Variants in CNTN6 observed in about 807,000 individuals in gnomAD.
The protein encoded by CNTN6 is contactin 6.
In CNTN6, 137 loss-of-function variants were observed where a neutral mutation model predicts 122.8. The observed-to-expected ratio is 1.12, with a 90% CI of 0.97 to 1.29. The LOEUF is 1.29. Among genes scored for constraint, CNTN6 ranks in the 50% most tolerant of loss-of-function variants. The pLI is 0.00. For synonymous variants in CNTN6, 570 were observed against 426.0 expected (o/e 1.34, Z -4.16); for missense variants, 1,634 against 1,223.4 (o/e 1.34, Z -5.01).
At chr3:1,160,344 G>GTATGTATATATATATA (rs1158623079) in intron 2 of CNTN6, among the ~76,000 whole-genome samples, 1 of 111,130 alleles carries the variant, frequency 9.0e-6, no homozygotes, top group Non-Finnish European at 1.8e-5. Flanking sequence ...TACTTTTACT[G>GTATGTATATATATATA]TATATATATA....
At chr3:1,190,236 A>T (rs2093682410) in intron 2 of CNTN6, among the ~76,000 whole-genome samples, 1 of 152,142 alleles carries the variant, frequency 6.6e-6, no homozygotes, top group Non-Finnish European at 1.5e-5. Context: ...TATCCCATTC[A>T]TGAGGAATTC....
intron 2 of CNTN6, among the ~76,000 whole-genome samples, chr3:1,191,974 A>G (rs184751617): frequency 2.0e-4 from 30 of 152,304 alleles, no homozygotes; most frequent in African/African-American, 6.7e-4. Context: ...GATCACAATA[A>G]TAGGTAAGCA....
chr3:1,315,120 T>G (rs1369847063), intron 7 of CNTN6, among the ~76,000 whole-genome samples: 2 of 152,030 alleles, frequency 1.3e-5, no homozygotes, highest in Non-Finnish European at 2.9e-5. Flanking sequence ...CTCTGTAACA[T>G]CAGTTTCAAG....
At chr3:1,278,254 A>G (rs908745557) in intron 4 of CNTN6, among the ~76,000 whole-genome samples, 159 bp from the exon 5 acceptor site, 7 of 152,220 alleles carry the variant, frequency 4.6e-5, no homozygotes, top group African/African-American at 1.7e-4. Context: ...TTTGCAAGAT[A>G]ATAATAAGTG....
chr3:1,314,583 G>A (rs1699835746), intron 7 of CNTN6, among the ~76,000 whole-genome samples: 1 of 152,042 alleles, frequency 6.6e-6, no homozygotes, highest in South Asian at 2.1e-4. Context: ...ACTAGTGTAT[G>A]TAGAGCTTTA....
At chr3:1,329,719 T>A (rs763583005) in intron 10 of CNTN6, 66 bp from the exon 11 acceptor site, 2 of 1,345,816 alleles carry the variant, frequency 1.5e-6, no homozygotes, top group Non-Finnish European at 2.0e-6. Flanking sequence ...GCATAGCAAG[T>A]CACCCCTGGA....
Position 1,147,971 on chromosome 3 carries a change from G to C in CNTN6, c.-38G>C. The C allele has an allele frequency of 6.5e-7, 1 of 1,534,642 alleles. No homozygotes were observed. On this transcript the variant is annotated 5_prime_UTR_variant, in exon 2 of 23. Coordinates refer to ENST00000446702, the MANE Select transcript of CNTN6 (RefSeq NM_001289080.2). ...GAAGATAGACTGTTTTGTTCCACCT[G>C]ATTGTATGGGAGAAATTTTTGACCT...
At position 1,318,210 on chromosome 3, in the gene CNTN6, C is replaced by G. The variant is rs73816302; in HGVS notation, c.762-3440C>G. 8.2e-3 allele frequency among the ~76,000 whole-genome samples: 1,243 copies of G among 151,808 alleles called. 7 individuals are homozygous for G. Among genetic ancestry groups the G allele is most frequent in the African/African-American group, 0.027 (1,134 of 41,472 alleles). On this transcript the variant is annotated intron_variant, in intron 7 of 22. Transcript: ENST00000446702. ...TCTCTTTTAAGTCTCATGTCTCTTGCGTTTCTTGCCTTTTGCTATCATTCT... is the reference window on the plus strand; with the variant it reads ...TCTCTTTTAAGTCTCATGTCTCTTGGGTTTCTTGCCTTTTGCTATCATTCT...
At chr3:1,384,444 G>C (rs539948916) in intron 19 of CNTN6, among the ~76,000 whole-genome samples, 37 of 152,028 alleles carry the variant, frequency 2.4e-4, no homozygotes, top group African/African-American at 8.0e-4. Context: ...AAAATACCTA[G>C]ATTGTCTTGA....
intron 7 of CNTN6, among the ~76,000 whole-genome samples, chr3:1,305,539 T>C (rs1023169054): frequency 3.9e-5 from 6 of 152,148 alleles, no homozygotes; most frequent in African/African-American, 1.4e-4. Flanking sequence ...GCAAATGTAG[T>C]ATGATTGACT....
In CNTN6 at chr3:1,295,584, T is replaced by C. The variant is rs372631585; in HGVS notation, c.455-17T>C. ...AGTATGGTTTTGTTTTGTTTTGTTTTGTTTCTTGTTTTTCAGATTTATCTT... is the reference window on the plus strand; with the variant it reads ...AGTATGGTTTTGTTTTGTTTTGTTTCGTTTCTTGTTTTTCAGATTTATCTT... On this transcript the variant is annotated splice_polypyrimidine_tract_variant and intron_variant, in intron 5 of 22. Transcript: ENST00000446702. 1.8e-4 allele frequency: 291 copies of C among 1,605,640 alleles called. 2 individuals carry two copies. The South Asian group carries it at 2.0e-3, about 11-fold the overall frequency.
chr3:1,278,913 T>C (rs1487796972), intron 5 of CNTN6, among the ~76,000 whole-genome samples: 1 of 152,226 alleles, frequency 6.6e-6, no homozygotes, highest in Non-Finnish European at 1.5e-5. Context: ...TGTTCAGTTT[T>C]GTTGTAAATG....
rs1243736501 is a variant in CNTN6, at chr3:1,133,600, GC to G, written c.-82-14322del. ...GTATAGCATGGACTCAGCTGTGACT[GC>G]CCCCTCTTGAGGCGCTCATGGAGCC... On this transcript the variant is annotated intron_variant, in intron 1 of 22. Coordinates refer to ENST00000446702, the MANE Select transcript of CNTN6 (RefSeq NM_001289080.2). Among the ~76,000 whole-genome samples, 3 of 152,132 alleles carry G rather than the reference GC, an allele frequency of 2.0e-5. No individual in the cohort carries two copies. In the East Asian group the frequency reaches 5.8e-4, roughly 29 times the overall value.
intron 4 of CNTN6, among the ~76,000 whole-genome samples, chr3:1,257,338 A>G (rs2094776002): frequency 1.3e-5 from 2 of 152,170 alleles, no homozygotes; most frequent in Non-Finnish European, 2.9e-5. Flanking sequence ...CAGAAATTTT[A>G]GCAAAGAAAT....
intron 1 of CNTN6, among the ~76,000 whole-genome samples, chr3:1,106,809 CA>C (rs1031390792): frequency 1.3e-5 from 2 of 151,982 alleles, no homozygotes; most frequent in African/African-American, 4.8e-5. Context: ...AAAACATAAC[CA>C]AAATTATCAC....
In CNTN6 at chr3:1,403,440, G is replaced by C; in HGVS notation, c.*22G>C. Reference sequence around the variant, plus strand: ...CTGATGAATAAAACCATAAATCTTTGAGAGTTTTTTGAAAGCAAATCATTC... The same window carrying C: ...CTGATGAATAAAACCATAAATCTTTCAGAGTTTTTTGAAAGCAAATCATTC... On this transcript the variant is annotated 3_prime_UTR_variant, in exon 23 of 23. Transcript: ENST00000446702. 6.5e-7 allele frequency: 1 copy of C among 1,528,810 alleles called. No individual in the cohort carries two copies. The allele number at this position is 1,528,810 out of a possible 1,614,324, so 94.7% of individuals were successfully genotyped here.
intron 1 of CNTN6, among the ~76,000 whole-genome samples, chr3:1,097,732 T>C (rs189244719): frequency 6.6e-6 from 1 of 152,268 alleles, no homozygotes; most frequent in Admixed American, 6.5e-5. Flanking sequence ...GGTAAATATG[T>C]AAAAAATCTT....
chr3:1,403,693 G>C lies in CNTN6; in HGVS notation c.*275G>C, dbSNP rs1014713260. The C allele has an allele frequency of 9.2e-6, 2 of 216,976 alleles. No individual in the cohort carries two copies. Among genetic ancestry groups the C allele is most frequent in the Non-Finnish European group, 1.8e-5 (2 of 111,778 alleles). 13.4% of individuals were successfully genotyped at this position (216,976 alleles called of 1,614,324 possible). On this transcript the variant is annotated 3_prime_UTR_variant, in exon 23 of 23. Transcript: ENST00000446702. ...CTGTGTCTTTTAAGTTACTTATATG[G>C]AGAAAATAAATAACTCCCCTCAATG...
At chr3:1,389,978 A>G (rs1195331714) in intron 20 of CNTN6, among the ~76,000 whole-genome samples, 1 of 151,048 alleles carries the variant, frequency 6.6e-6, no homozygotes, top group African/African-American at 2.4e-5. Context: ...TTAACAACCC[A>G]CTGTCAACAT....
Sources: gnomAD v4.1 joint callset for allele counts (sites outside exome capture counted in the v4.1 genomes callset) on GRCh38, gnomAD v4.1.1 for gene constraint, MANE v1.5 for transcripts, NCBI Gene and HGNC (gene_info 2026-07-23, HGNC 2026-07-21) for gene names.